Variants in HPSE2 observed in about 807,000 individuals in gnomAD.
HPSE2 encodes the protein heparanase 2 (inactive), also known as inactive heparanase-2.
HPSE2 carries 38 observed loss-of-function variants against 60.5 expected under a neutral mutation model. The ratio of observed to expected loss-of-function variants is 0.63; its 90% confidence interval spans 0.48 to 0.82. The LOEUF (loss-of-function observed/expected upper bound fraction) is 0.82, where lower values mean the gene tolerates loss of function less well. Among genes scored for constraint, HPSE2 ranks in the 40% least tolerant of loss-of-function variants. The pLI, the probability that HPSE2 is intolerant of heterozygous loss-of-function variation, is 0.00. For synonymous variants in HPSE2, 295 were observed against 293.2 expected (o/e 1.01, Z -0.06); for missense variants, 713 against 740.4 (o/e 0.96, Z 0.43).
chr10:99,237,667 C>G (rs1442845521), upstream of HPSE2, among the ~76,000 whole-genome samples: 1 of 152,188 alleles, frequency 6.6e-6, no homozygotes, highest in Non-Finnish European at 1.5e-5. Context: ...GATGTTGGCT[C>G]CAGCCCTAAG....
At chr10:99,178,947 A>G (rs1398349641) in intron 2 of HPSE2, among the ~76,000 whole-genome samples, 1 of 152,240 alleles carries the variant, frequency 6.6e-6, no homozygotes, top group Non-Finnish European at 1.5e-5. Context: ...CATCCCTGGG[A>G]TGCAAAGCTG....
At chr10:98,785,836 TTTTC>T (rs1398992600) in intron 3 of HPSE2, among the ~76,000 whole-genome samples, 1 of 10,968 alleles carries the variant, frequency 9.1e-5, no homozygotes, top group East Asian at 2.2e-3. Context: ...TTCTCTCTTT[TTTTC>T]TTTATTAGTC....
At chr10:98,704,509 T>C (rs751128184) in intron 5 of HPSE2, among the ~76,000 whole-genome samples, 3 of 151,958 alleles carry the variant, frequency 2.0e-5, no homozygotes, top group Non-Finnish European at 4.4e-5. Flanking sequence ...GACTTCAAAC[T>C]ATACTACAAG....
chr10:99,139,465 GAATA>G (rs1163155414), intron 3 of HPSE2, among the ~76,000 whole-genome samples: 1 of 151,464 alleles, frequency 6.6e-6, no homozygotes, highest in Non-Finnish European at 1.5e-5. Context: ...AAAAATTAAT[GAATA>G]AACAAAACTA....
At chr10:98,918,990 T>C (rs1421400216) in intron 3 of HPSE2, among the ~76,000 whole-genome samples, 5 of 151,858 alleles carry the variant, frequency 3.3e-5, no homozygotes, top group Non-Finnish European at 5.9e-5. Flanking sequence ...GCAAGGGTTG[T>C]AAAGAAAAAT....
chr10:98,641,792 T>A, intron 7 of HPSE2, 55 bp downstream of exon 7: 1 of 1,348,622 alleles, frequency 7.4e-7, no homozygotes, highest in Non-Finnish European at 1.1e-6. Context: ...TTGTGTCTTT[T>A]TCCTTGTCTT....
intron 2 of HPSE2, among the ~76,000 whole-genome samples, chr10:99,151,532 C>T (rs1253488774): frequency 6.6e-6 from 1 of 151,970 alleles, no homozygotes; most frequent in South Asian, 2.1e-4. Context: ...AAACTCAGCA[C>T]AAAGAGATCC....
chr10:99,019,693 G>A (rs1203723814), intron 3 of HPSE2, among the ~76,000 whole-genome samples: 5 of 151,186 alleles, frequency 3.3e-5, no homozygotes, highest in Non-Finnish European at 7.4e-5. Flanking sequence ...CCTTTTCAAA[G>A]AAGCACTATT....
chr10:98,782,929 T>TATA, intron 3 of HPSE2, among the ~76,000 whole-genome samples: 1 of 75,964 alleles, frequency 1.3e-5, no homozygotes, highest in East Asian at 3.1e-4. Context: ...TTTTTTTATT[T>TATA]TTTTTTTTAA....
chr10:99,101,889 G>A (rs1844009721), intron 3 of HPSE2, among the ~76,000 whole-genome samples: 1 of 152,050 alleles, frequency 6.6e-6, no homozygotes, highest in African/African-American at 2.4e-5. Flanking sequence ...TGACTACTGG[G>A]TACATAACGA....
At chr10:99,123,139 T>G (rs1238535484) in intron 3 of HPSE2, among the ~76,000 whole-genome samples, 1 of 151,906 alleles carries the variant, frequency 6.6e-6, no homozygotes, top group South Asian at 2.1e-4. Flanking sequence ...AGTAAAAGAG[T>G]AAAGCTCTAA....
At chr10:99,198,138 G>A (rs1343743043) in intron 2 of HPSE2, among the ~76,000 whole-genome samples, 1 of 151,774 alleles carries the variant, frequency 6.6e-6, no homozygotes, top group African/African-American at 2.4e-5. Context: ...TACATTTCTT[G>A]AGGAATAAAA....
chr10:99,305,289 T>C, the HPSE2 span, among the ~76,000 whole-genome samples: 2 of 152,122 alleles, frequency 1.3e-5, no homozygotes, highest in Non-Finnish European at 2.9e-5. Context: ...CTCTGTAAAG[T>C]GGAGTGAAAA....
intron 11 of HPSE2, among the ~76,000 whole-genome samples, chr10:98,465,450 T>C (rs1258517718): frequency 6.6e-6 from 1 of 152,198 alleles, no homozygotes; most frequent in African/African-American, 2.4e-5. Context: ...CATAGCCCTA[T>C]CTGGCCTCCC....
chr10:99,065,091 C>T (rs576606906), intron 3 of HPSE2, among the ~76,000 whole-genome samples: 1 of 152,254 alleles, frequency 6.6e-6, no homozygotes, highest in South Asian at 2.1e-4. Context: ...TTCCCATTTT[C>T]TCAGTTTGTC....
At chr10:98,598,054 T>TC (rs1387963955) in intron 9 of HPSE2, among the ~76,000 whole-genome samples, 1 of 151,562 alleles carries the variant, frequency 6.6e-6, no homozygotes, top group East Asian at 1.9e-4. Context: ...TCCCTTTCAT[T>TC]CTTTTTTTTT....
chr10:98,661,169 G>C (rs1158138264), intron 6 of HPSE2, among the ~76,000 whole-genome samples: 1 of 152,188 alleles, frequency 6.6e-6, no homozygotes, highest in Non-Finnish European at 1.5e-5. Flanking sequence ...GGCTGATGAA[G>C]GTAATGGGAA....
At chr10:99,024,006 G>GCTGA (rs1299312791) in intron 3 of HPSE2, among the ~76,000 whole-genome samples, 6 of 152,222 alleles carry the variant, frequency 3.9e-5, no homozygotes, top group Non-Finnish European at 8.8e-5. Context: ...ATAAGGTGCT[G>GCTGA]CTGACCAATT....
intron 2 of HPSE2, among the ~76,000 whole-genome samples, chr10:99,155,012 T>C (rs1846473321): frequency 1.3e-5 from 2 of 150,574 alleles, no homozygotes. Flanking sequence ...AAGAAGGACA[T>C]TACATAATGG....
Sources: gnomAD v4.1 joint callset for allele counts (sites outside exome capture counted in the v4.1 genomes callset) on GRCh38, gnomAD v4.1.1 for gene constraint, MANE v1.5 for transcripts, NCBI Gene and HGNC (gene_info 2026-07-23, HGNC 2026-07-21) for gene names.